CWF19L2: variants seen among roughly 807,000 people sequenced by gnomAD.
CWF19L2 encodes CWF19-like protein 2.
Under a neutral mutation model 111.7 loss-of-function variants are expected in CWF19L2, and 98 were observed. The observed-to-expected ratio is 0.88, with a 90% CI of 0.75 to 1.04. CWF19L2 has a LOEUF of 1.04. CWF19L2 is among the 50% of genes least tolerant of loss of function. The probability of loss-of-function intolerance (pLI) is 0.00; values close to 1 mark genes in which losing one functional copy is unlikely to be tolerated. For synonymous variants in CWF19L2, 351 were observed against 342.9 expected, an observed-to-expected ratio of 1.02 and a Z score of -0.26; for missense variants, 1,101 against 1,051.4, an observed-to-expected ratio of 1.05 and a Z score of -0.65.
Position 107,334,877 on chromosome 11 carries a change from T to C in CWF19L2, c.2439+4A>G, listed in dbSNP as rs568279227. 5.1e-6 allele frequency: 8 copies of C among 1,557,960 alleles called. No homozygotes were observed. Among genetic ancestry groups the C allele is most frequent in the Non-Finnish European group, 6.2e-6 (7 of 1,130,452 alleles). ...TTTCTTTTACCAGGAAAAAACATAC[T>C]TACAGACTTTCTGATATCTTTTGAA... On this transcript the variant is annotated splice_donor_region_variant and intron_variant, in intron 16 of 17. Coordinates refer to ENST00000282251, the MANE Select transcript of CWF19L2 (RefSeq NM_152434.3).
chr11:107,329,871 G>T, intron 17 of CWF19L2, 47 bp downstream of exon 17: 1 of 1,398,166 alleles, frequency 7.2e-7, no homozygotes, highest in Admixed American at 2.5e-5. Flanking sequence ...AAAGAAAAAT[G>T]TTACCAAATT....
At position 107,454,523 on chromosome 11, in the gene CWF19L2, G is replaced by A; in HGVS notation, c.266C>T (p.Ala89Val). Reference sequence around the variant, plus strand: ...GCTCTTTTTTTTCTTTTCTTTCTTTGCTTTTTTTGAATGCTTGTCTTTTTT... The same window carrying A: ...GCTCTTTTTTTTCTTTTCTTTCTTTACTTTTTTTGAATGCTTGTCTTTTTT... Reference protein sequence around the residue: ...KKKKDKHSKKAKKEKKKKSKK... With the variant: ...KKKKDKHSKKVKKEKKKKSKK... Residue 89 changes from alanine to valine, a missense_variant, in exon 3 of 18, where the codon GCA becomes GTA. Coordinates refer to ENST00000282251, the MANE Select transcript of CWF19L2 (RefSeq NM_152434.3). 7.1e-7 allele frequency: 1 copy of A among 1,411,892 alleles called. No homozygotes were observed. 87.5% of individuals were successfully genotyped at this position (1,411,892 alleles called of 1,614,324 possible). A position where few individuals can be genotyped will look rare whatever the true frequency, so the allele number is the denominator to read the frequency against.
chr11:107,332,782 T>C (rs775787733), intron 16 of CWF19L2, among the ~76,000 whole-genome samples: 11 of 152,156 alleles, frequency 7.2e-5, no homozygotes, highest in African/African-American at 2.4e-4. Context: ...CTTATACTTA[T>C]GTACTCTTCT....
intron 10 of CWF19L2, among the ~76,000 whole-genome samples, chr11:107,402,970 G>A (rs544333028): frequency 7.8e-4 from 115 of 148,354 alleles, no homozygotes; most frequent in African/African-American, 2.8e-3. Context: ...GATGAGACTG[G>A]AGACTATTAT....
At position 107,346,838 on chromosome 11, in the gene CWF19L2, C is replaced by T. The variant is rs536018788; in HGVS notation, c.2202+2099G>A. Among the ~76,000 whole-genome samples, 27 of 152,278 alleles carry T rather than the reference C, an allele frequency of 1.8e-4. No homozygotes were observed. The South Asian group carries it at 5.4e-3, about 30-fold the overall frequency. On this transcript the variant is annotated intron_variant, in intron 14 of 17. Coordinates refer to ENST00000282251, the MANE Select transcript of CWF19L2 (RefSeq NM_152434.3). ...CTTCCCCCATTCAGCTCCCAGAACA[C>T]TGGCAAGTGGGCTTAGATGACAGGA...
At chr11:107,402,868 G>GGT (rs1290211766) in intron 10 of CWF19L2, among the ~76,000 whole-genome samples, 515 of 42,500 alleles carry the variant, frequency 0.012, 38 homozygotes, top group African/African-American at 0.029. Context: ...AACAAACTGT[G>GGT]GTGTGTATAT....
chr11:107,403,699 C>T (rs1861039404), intron 10 of CWF19L2: 2 of 799,508 alleles, frequency 2.5e-6, no homozygotes, highest in East Asian at 4.9e-5. Flanking sequence ...CCTGACTGCA[C>T]TCGGCTTGCT....
chr11:107,364,471 C>G (rs1208600439), intron 12 of CWF19L2, among the ~76,000 whole-genome samples: 1 of 147,592 alleles, frequency 6.8e-6, no homozygotes, highest in Non-Finnish European at 1.5e-5. Context: ...ATAACAAACT[C>G]TCTCTCAGAC....
intron 6 of CWF19L2, among the ~76,000 whole-genome samples, chr11:107,438,193 G>A (rs1861569241): frequency 6.6e-6 from 1 of 152,118 alleles, no homozygotes; most frequent in Admixed American, 6.5e-5. Flanking sequence ...AATCACTAAG[G>A]TGAAAAGAGA....
intron 12 of CWF19L2, among the ~76,000 whole-genome samples, chr11:107,387,361 T>C (rs1291808718): frequency 2.0e-5 from 3 of 151,866 alleles, no homozygotes; most frequent in Non-Finnish European, 2.9e-5. Flanking sequence ...CTTCCACTAA[T>C]GCCTCTCTAC....
At chr11:107,358,219 A>G (rs1297577106) in intron 12 of CWF19L2, among the ~76,000 whole-genome samples, 1 of 152,292 alleles carries the variant, frequency 6.6e-6, no homozygotes, top group South Asian at 2.1e-4. Flanking sequence ...ATTAATTAAT[A>G]AAATATTAAA....
chr11:107,405,170 C>T (rs78043616), intron 10 of CWF19L2, among the ~76,000 whole-genome samples: 10 of 152,228 alleles, frequency 6.6e-5, no homozygotes, highest in African/African-American at 2.2e-4. Context: ...TTCTAATTTT[C>T]GTGACCATAA....
At chr11:107,342,164 A>T (rs2134533243) in intron 14 of CWF19L2, among the ~76,000 whole-genome samples, 1 of 151,802 alleles carries the variant, frequency 6.6e-6, no homozygotes, top group South Asian at 2.1e-4. Flanking sequence ...CTTTTCTATA[A>T]GTATTTAGTG....
intron 15 of CWF19L2, among the ~76,000 whole-genome samples, chr11:107,336,054 T>A (rs1379338088): frequency 6.6e-6 from 1 of 152,064 alleles, no homozygotes; most frequent in African/African-American, 2.4e-5. Flanking sequence ...ACCCCATCTC[T>A]ACTAAAAATA....
intron 10 of CWF19L2, among the ~76,000 whole-genome samples, chr11:107,413,801 T>C (rs899835570): frequency 6.6e-6 from 1 of 152,192 alleles, no homozygotes; most frequent in Non-Finnish European, 1.5e-5. Flanking sequence ...AAGTCATGAA[T>C]GATGTTAGCC....
At chr11:107,333,994 A>G (rs1036945918) in intron 16 of CWF19L2, among the ~76,000 whole-genome samples, 3 of 152,170 alleles carry the variant, frequency 2.0e-5, no homozygotes, top group Non-Finnish European at 4.4e-5. Flanking sequence ...ACCTAAGCAA[A>G]TGAGTGTGGC....
At chr11:107,385,724 T>C (rs1444461876) in intron 12 of CWF19L2, among the ~76,000 whole-genome samples, 1 of 152,232 alleles carries the variant, frequency 6.6e-6, no homozygotes, top group African/African-American at 2.4e-5. Flanking sequence ...TATGGCATTC[T>C]GAGTAGTGTG....
chr11:107,370,755 T>C lies in CWF19L2; in HGVS notation c.1873-17019A>G, dbSNP rs1860495616. On this transcript the variant is annotated intron_variant, in intron 12 of 17. Transcript: ENST00000282251. The stretch of plus-strand genomic sequence containing the variant: ...TTCTTACCATCTAAGTAAATAAAAA[T>C]AAACTTTAATGTTGGCTTTGACAAA... 1.5e-5 allele frequency among the ~76,000 whole-genome samples: 2 copies of C among 137,276 alleles called. 1 individual carries two copies. Among genetic ancestry groups the C allele is most frequent in the Non-Finnish European group, 3.1e-5 (2 of 64,248 alleles). The allele number at this position is 137,276 out of a possible 152,430, so 90.1% of individuals were successfully genotyped here. A position where few individuals can be genotyped will look rare whatever the true frequency, so the allele number is the denominator to read the frequency against.
chr11:107,354,100 C>CT (rs58883142), intron 12 of CWF19L2, among the ~76,000 whole-genome samples: 120 of 144,192 alleles, frequency 8.3e-4, no homozygotes, highest in South Asian at 4.2e-3. Context: ...GAATGTGGAA[C>CT]TTTTTTTTTT....
Sources: allele counts gnomAD v4.1 joint callset (sites outside exome capture counted in the v4.1 genomes callset), GRCh38; gene constraint gnomAD v4.1.1; transcripts MANE v1.5; gene names NCBI Gene and HGNC (gene_info 2026-07-23, HGNC 2026-07-21).